The following ZNF292 variants were observed in gnomAD, a reference collection of about 807,000 sequenced individuals.
ZNF292 encodes zinc finger protein 292.
ZNF292 carries 26 observed loss-of-function variants against 217.9 expected under a neutral mutation model. The ratio of observed to expected loss-of-function variants is 0.12; its 90% CI spans 0.09 to 0.17. The LOEUF is 0.17. Ranked by LOEUF, ZNF292 falls within the 10% of genes least tolerant of loss-of-function variation. ZNF292 has a pLI of 1.00. For synonymous variants in ZNF292, 1,257 were observed against 1,124.1 expected (o/e 1.12, Z -2.37); for missense variants, 2,904 against 3,175.2 (o/e 0.91, Z 2.05).
chr6:87,216,102 TACATAGACACACACACACACACACAC>T lies in ZNF292; in HGVS notation c.323+49_323+74del, dbSNP rs779793853. On this transcript the variant is annotated intron_variant, in intron 2 of 7. Coordinates refer to ENST00000369577, the MANE Select transcript of ZNF292 (RefSeq NM_015021.3). ...AATAAACTAGATTTAGCTTTAAAAA[TACATAGACACACACACACACACACAC>T]ACACACACACACACACACACACACA... is the stretch of plus-strand genomic sequence containing the variant. 1,933 of 1,209,468 alleles carry T rather than the reference TACATAGACACACACACACACACACAC, an allele frequency of 1.6e-3. 66 individuals carry two copies. The highest frequency in any genetic ancestry group is 5.3e-3 in the East Asian group (217 of 40,684). The allele number at this position is 1,209,468 out of a possible 1,614,324, so 74.9% of individuals were successfully genotyped here.
In ZNF292 at chr6:87,257,487, T is replaced by A; in HGVS notation, c.3858T>A (p.Val1286=). 6.2e-7 allele frequency: 1 copy of A among 1,612,382 alleles called. No individual in the cohort carries two copies. Among genetic ancestry groups the A allele is most frequent in the South Asian group, 1.1e-5 (1 of 90,768 alleles). ...PSPADSGTNS[V]FSQLENNTNH... is the part of the protein sequence containing the mutation. Reference sequence around the variant, plus strand: ...CAGCAGATAGTGGGACTAATTCTGTTTTTTCCCAACTGGAAAATAATACAA... The same window carrying A: ...CAGCAGATAGTGGGACTAATTCTGTATTTTCCCAACTGGAAAATAATACAA... Residue 1286 remains valine (V), a synonymous_variant, in exon 8 of 8, where the codon GTT becomes GTA. Coordinates refer to ENST00000369577, the MANE Select transcript of ZNF292 (RefSeq NM_015021.3).
chr6:87,191,069 C>G (rs1190053805), intron 1 of ZNF292, among the ~76,000 whole-genome samples: 3 of 151,872 alleles, frequency 2.0e-5, no homozygotes, highest in Non-Finnish European at 4.4e-5. Context: ...ATATTGTGTA[C>G]CATACTTTTT....
In ZNF292 at chr6:87,257,053, G is replaced by A. The variant is rs1181212261; in HGVS notation, c.3424G>A (p.Ala1142Thr). The A allele has an allele frequency of 3.7e-6, 6 of 1,613,822 alleles. No individual in the cohort carries two copies. The Admixed American group carries it at 6.7e-5, about 18-fold the overall frequency. ...GCGCAAAAGTAAAAAAGGTCAGAAA[G>A]CTAACAACTTAAATACACCAAATAA... is the stretch of plus-strand genomic sequence containing the variant. Reference protein sequence around the residue: ...MQRKSKKGQKANNLNTPNNGK... With the variant: ...MQRKSKKGQKTNNLNTPNNGK... The change falls in exon 8 of 8, where the codon GCT becomes ACT. Residue 1142 changes from alanine (A) to threonine (T), a missense_variant. Coordinates refer to ENST00000369577, the MANE Select transcript of ZNF292 (RefSeq NM_015021.3).
rs1406413294 is a variant in ZNF292 at position 87,256,183 on chromosome 6, A to G, written c.2554A>G (p.Ile852Val). The G allele has an allele frequency of 1.9e-6, 3 of 1,613,772 alleles. No homozygotes were observed. The highest frequency in any genetic ancestry group is 2.5e-6 in the Non-Finnish European group (3 of 1,179,862). Residue 852 changes from isoleucine to valine, a missense_variant, in exon 8 of 8, where the codon ATT becomes GTT. Physicochemically the swap from Ile to Val is conservative, Grantham distance 29. Around this residue, in one of 15 missense-constraint regions of ZNF292, gnomAD observed 687 missense variants for 623.0 expected, o/e 1.10. Coordinates refer to ENST00000369577, the MANE Select transcript of ZNF292 (RefSeq NM_015021.3). ...EAQLNSSGDS[I>V]QPSEVNQNTA... is the part of the protein sequence containing the mutation. The stretch of plus-strand genomic sequence containing the variant: ...CCAACTTAATTCATCTGGAGATTCC[A>G]TTCAGCCTTCTGAAGTGAATCAGAA...
rs1350938751 is a variant in ZNF292, at chr6:87,239,404, ACCTC to A, written c.742-4064_742-4061del. ...GCTGGCGGGCCGGGGGCTGGCCCCC[ACCTC>A]CCTCCCAGACGGGGTGGCTGGCCGG... is the stretch of plus-strand genomic sequence containing the variant. On this transcript the variant is annotated intron_variant, in intron 5 of 7. Transcript: ENST00000369577. Among the ~76,000 whole-genome samples, 882 of 138,820 alleles carry A rather than the reference ACCTC, an allele frequency of 6.4e-3. 13 individuals carry two copies. The highest frequency in any genetic ancestry group is 0.024 in the African/African-American group (843 of 35,398). 91.1% of individuals were successfully genotyped at this position (138,820 alleles called of 152,430 possible). A position where few individuals can be genotyped will look rare whatever the true frequency, so the allele number is the denominator to read the frequency against.
At chr6:87,169,167 C>T (rs1031662024) in intron 1 of ZNF292, among the ~76,000 whole-genome samples, 5 of 151,908 alleles carry the variant, frequency 3.3e-5, no homozygotes, top group Admixed American at 1.3e-4. Flanking sequence ...CTCAGCCTGC[C>T]GAGCAGCTGC....
chr6:87,211,655 A>G (rs1033026806), intron 1 of ZNF292, among the ~76,000 whole-genome samples: 1 of 152,184 alleles, frequency 6.6e-6, no homozygotes, highest in African/African-American at 2.4e-5. Context: ...GCACATGGTA[A>G]ATATTCAGTA....
chr6:87,231,089 C>A (rs1773629089), intron 4 of ZNF292, among the ~76,000 whole-genome samples: 2 of 151,954 alleles, frequency 1.3e-5, no homozygotes, highest in South Asian at 4.2e-4. Context: ...GGAAAAACAT[C>A]TTGGATTGCA....
At chr6:87,170,713 A>G (rs1211441608) in intron 1 of ZNF292, among the ~76,000 whole-genome samples, 1 of 152,216 alleles carries the variant, frequency 6.6e-6, no homozygotes, top group Admixed American at 6.5e-5. Flanking sequence ...ACTACATCCT[A>G]GATTTTGTCT....
intron 4 of ZNF292, among the ~76,000 whole-genome samples, chr6:87,226,368 C>G (rs1773342490): frequency 1.3e-5 from 2 of 151,890 alleles, no homozygotes; most frequent in South Asian, 2.1e-4. Flanking sequence ...TCTTAGTTTG[C>G]TAGATATTAG....
At chr6:87,252,966 G>A (rs1758152853) in intron 7 of ZNF292, among the ~76,000 whole-genome samples, 2 of 152,000 alleles carry the variant, frequency 1.3e-5, no homozygotes, top group Admixed American at 6.6e-5. Context: ...GGAGTGCAGT[G>A]TGCAATCCTA....
At position 87,255,144 on chromosome 6, in the gene ZNF292, T is replaced by C. The variant is rs773598821; in HGVS notation, c.1515T>C (p.Ser505=). 1.9e-6 allele frequency: 3 copies of C among 1,613,788 alleles called. No homozygotes were observed. The highest frequency in any genetic ancestry group is 2.2e-5 in the South Asian group (2 of 91,076). ...TTTCTGGTGGAGTTGGTGCTAATTC[T>C]GGCCTTCTTAAAGACATTGGTGATG... is the stretch of plus-strand genomic sequence containing the variant. ...NGLSGGVGAN[S]GLLKDIGDEK... Residue 505 remains serine, a synonymous_variant, in exon 8 of 8, where the codon TCT becomes TCC. Transcript: ENST00000369577.
intron 7 of ZNF292, among the ~76,000 whole-genome samples, chr6:87,252,801 G>T (rs12206735): frequency 6.6e-6 from 1 of 152,168 alleles, no homozygotes; most frequent in Non-Finnish European, 1.5e-5. Flanking sequence ...TTAAGGCACA[G>T]ATCTATCTAG....
At position 87,157,629 on chromosome 6, in the gene ZNF292, C is replaced by T. The variant is rs1010583408; in HGVS notation, c.168+1870C>T. Among the ~76,000 whole-genome samples, 2 of 152,102 alleles carry T rather than the reference C, an allele frequency of 1.3e-5. 1 individual carries two copies. The highest frequency in any genetic ancestry group is 1.3e-4 in the Admixed American group (2 of 15,260). Reference sequence around the variant, plus strand: ...AAAATAGAATCTCATGCAAGCTGGACTCCCCCCCGCTTTTTTGTGAGTGTG... The same window carrying T: ...AAAATAGAATCTCATGCAAGCTGGATTCCCCCCCGCTTTTTTGTGAGTGTG... On this transcript the variant is annotated intron_variant, in intron 1 of 7. Transcript: ENST00000369577.
At chr6:87,175,890 G>C (rs1199118082) in intron 1 of ZNF292, among the ~76,000 whole-genome samples, 1 of 152,052 alleles carries the variant, frequency 6.6e-6, no homozygotes, top group East Asian at 1.9e-4. Context: ...AACTCCTCTT[G>C]GCTGTTTAAA....
At chr6:87,180,559 C>T (rs1771442979) in intron 1 of ZNF292, among the ~76,000 whole-genome samples, 1 of 152,208 alleles carries the variant, frequency 6.6e-6, no homozygotes, top group Non-Finnish European at 1.5e-5. Flanking sequence ...TGCCAATATT[C>T]CAACTTCCCC....
At chr6:87,159,094 CAG>C (rs897008895) in intron 1 of ZNF292, among the ~76,000 whole-genome samples, 3 of 152,316 alleles carry the variant, frequency 2.0e-5, no homozygotes, top group African/African-American at 4.8e-5. Context: ...GTGAAACCCA[CAG>C]AAACAGGAGT....
chr6:87,228,495 A>G (rs1319853392), intron 4 of ZNF292, among the ~76,000 whole-genome samples: 6 of 152,174 alleles, frequency 3.9e-5, no homozygotes. Context: ...ATAGCCAAGA[A>G]ATCATTGCCA....
chr6:87,250,023 T>TTAA (rs767564721), intron 7 of ZNF292, among the ~76,000 whole-genome samples: 1 of 99,262 alleles, frequency 1.0e-5, no homozygotes, highest in Non-Finnish European at 2.0e-5. Flanking sequence ...TGGTAACCCT[T>TTAA]AAAAAAAAAA....
Sources: allele counts gnomAD v4.1 joint callset (sites outside exome capture counted in the v4.1 genomes callset), GRCh38; gene constraint gnomAD v4.1.1; regional missense constraint gnomAD v4.1.1; transcripts MANE v1.5; gene names NCBI Gene and HGNC (gene_info 2026-07-23, HGNC 2026-07-21).